The following BLTP1 variants were observed in gnomAD, a reference collection of about 807,000 sequenced individuals.
BLTP1 encodes fragile site-associated protein.
At chr4:122,273,507 GT>G in the BLTP1 span, 1 of 839,296 alleles carries the variant, frequency 1.2e-6, no homozygotes, top group African/African-American at 1.8e-5. Context: ...AAAATTGTCA[GT>G]TTTTTCATCT....
the BLTP1 span, chr4:122,306,623 T>G: frequency 1.0e-6 from 1 of 965,158 alleles, no homozygotes; most frequent in Non-Finnish European, 1.2e-6. Flanking sequence ...TCCCAGGGCC[T>G]AGAACAGTCC....
At chr4:122,254,423 T>C in the BLTP1 span, 3 of 1,365,446 alleles carry the variant, frequency 2.2e-6, no homozygotes, top group Non-Finnish European at 3.0e-6. Flanking sequence ...GTTTCATATT[T>C]TTAAAAATTA....
the BLTP1 span, among the ~76,000 whole-genome samples, chr4:122,292,835 G>A: frequency 1.3e-5 from 2 of 152,098 alleles, no homozygotes; most frequent in Non-Finnish European, 2.9e-5. Flanking sequence ...TGGTACCTCT[G>A]AGAATGTACT....
chr4:122,182,214 CAG>C, the BLTP1 span, among the ~76,000 whole-genome samples: 2 of 152,118 alleles, frequency 1.3e-5, no homozygotes, highest in African/African-American at 4.8e-5. Flanking sequence ...AAGACATTGA[CAG>C]AAATTATGGG....
chr4:122,174,070 T>C, the BLTP1 span: 4 of 316,372 alleles, frequency 1.3e-5, no homozygotes, highest in Non-Finnish European at 1.8e-5. Flanking sequence ...TAGGAAGCTA[T>C]GTGCTTTGAA....
the BLTP1 span, among the ~76,000 whole-genome samples, chr4:122,157,293 C>A: frequency 2.0e-5 from 3 of 152,178 alleles, no homozygotes; most frequent in South Asian, 6.2e-4. Context: ...GGCTCAGGGT[C>A]TTTGAGGAGG....
chr4:122,163,719 G>A, the BLTP1 span, among the ~76,000 whole-genome samples: 7,107 of 152,276 alleles, frequency 0.047, 236 homozygotes, highest in East Asian at 0.14. Flanking sequence ...AGAGTACAGA[G>A]AGGTTAGGTA....
At chr4:122,190,390 C>T in the BLTP1 span, 2 of 975,194 alleles carry the variant, frequency 2.1e-6, no homozygotes, top group South Asian at 9.5e-5. Flanking sequence ...GCCCATGGTG[C>T]CTGGCCTGTT....
the BLTP1 span, chr4:122,183,462 A>G: frequency 1.0e-6 from 1 of 984,820 alleles, no homozygotes; most frequent in Non-Finnish European, 1.2e-6. Context: ...ATAGCTTTAA[A>G]CTGTCACTTG....
the BLTP1 span, among the ~76,000 whole-genome samples, chr4:122,161,479 G>A: frequency 6.7e-6 from 1 of 150,322 alleles, no homozygotes; most frequent in Non-Finnish European, 1.5e-5. Flanking sequence ...CACCCAGGCT[G>A]GTATGCAGTG....
chr4:122,352,573 T>C, the BLTP1 span, among the ~76,000 whole-genome samples: 3 of 152,130 alleles, frequency 2.0e-5, no homozygotes, highest in Non-Finnish European at 2.9e-5. Context: ...TTGGCCAGGC[T>C]GGTCTCGAAC....
the BLTP1 span, chr4:122,347,667 C>G: frequency 6.2e-7 from 1 of 1,613,774 alleles, no homozygotes; most frequent in Non-Finnish European, 8.5e-7. Context: ...CTAATGTGTT[C>G]AATGAGCATA....
chr4:122,252,595 G>A, the BLTP1 span, among the ~76,000 whole-genome samples: 2 of 152,182 alleles, frequency 1.3e-5, no homozygotes, highest in Non-Finnish European at 2.9e-5. Context: ...AGAGTGGGAA[G>A]GTCTGTGTCT....
At chr4:122,325,333 T>A in the BLTP1 span, 46 of 1,596,166 alleles carry the variant, frequency 2.9e-5, no homozygotes, top group Non-Finnish European at 3.7e-5. Flanking sequence ...AAGAGATATA[T>A]AATTTGTTAG....
At chr4:122,253,596 A>C in the BLTP1 span, among the ~76,000 whole-genome samples, 1 of 152,098 alleles carries the variant, frequency 6.6e-6, no homozygotes, top group African/African-American at 2.4e-5. Flanking sequence ...TTGAAAATAC[A>C]TAGAGGAGAC....
At chr4:122,219,407 C>A in the BLTP1 span, 2 of 1,614,080 alleles carry the variant, frequency 1.2e-6, no homozygotes, top group Non-Finnish European at 1.7e-6. Flanking sequence ...CCTGTTTTGT[C>A]ACTGTCAACA....
the BLTP1 span, among the ~76,000 whole-genome samples, chr4:122,295,596 G>A: frequency 1.9e-4 from 29 of 152,042 alleles, no homozygotes; most frequent in Non-Finnish European, 3.7e-4. Context: ...CATTTTATAA[G>A]GCCACTATCA....
the BLTP1 span, among the ~76,000 whole-genome samples, chr4:122,255,643 T>G: frequency 6.6e-6 from 1 of 151,904 alleles, no homozygotes; most frequent in Non-Finnish European, 1.5e-5. Flanking sequence ...CAAAACTCTG[T>G]CTCAAGAAAA....
chr4:122,242,556 A>G, the BLTP1 span, among the ~76,000 whole-genome samples: 1 of 152,168 alleles, frequency 6.6e-6, no homozygotes, highest in African/African-American at 2.4e-5. Flanking sequence ...TAAAGGTTCA[A>G]TTTGATTAGT....
Sources: allele counts gnomAD v4.1 joint callset (sites outside exome capture counted in the v4.1 genomes callset), GRCh38; gene constraint gnomAD v4.1.1; transcripts MANE v1.5; gene names NCBI Gene and HGNC (gene_info 2026-07-23, HGNC 2026-07-21).